The following MRTFA variants were observed in gnomAD, a reference collection of about 807,000 sequenced individuals.
The protein encoded by MRTFA is myocardin-related transcription factor A.
In MRTFA, 20 loss-of-function variants were observed where a neutral mutation model predicts 83.5. That is an observed-to-expected ratio of 0.24 (90% CI 0.17 to 0.35). The LOEUF (loss-of-function observed/expected upper bound fraction) is 0.35, where lower values mean the gene tolerates loss of function less well. MRTFA is among the 10% of genes least tolerant of loss of function. The pLI is 1.00. For synonymous variants in MRTFA, 659 were observed against 541.2 expected (o/e 1.22, Z -3.02); for missense variants, 1,200 against 1,224.7 (o/e 0.98, Z 0.30).
At chr22:40,606,997 AAC>A (rs955245270) in intron 1 of MRTFA, among the ~76,000 whole-genome samples, 2 of 152,230 alleles carry the variant, frequency 1.3e-5, no homozygotes, top group African/African-American at 4.8e-5. Context: ...CTATTTTGTT[AAC>A]AAATAAAATC....
At chr22:40,445,700 C>T (rs2053363810) in intron 4 of MRTFA, among the ~76,000 whole-genome samples, 1 of 152,148 alleles carries the variant, frequency 6.6e-6, no homozygotes, top group Non-Finnish European at 1.5e-5. Context: ...AGGTACCCAC[C>T]ACCATGCCCG....
Position 40,604,128 on chromosome 22 carries a change from C to CT in MRTFA, c.-83-9394dup, listed in dbSNP as rs959099655. On this transcript the variant is annotated intron_variant, in intron 1 of 14. Transcript: ENST00000355630. ...CTACCTGAGTAAAAGCTGTTAGTTTCTTTTTTTTTTTTTTCTTTTTGAGAC... is the reference window on the plus strand; with the variant it reads ...CTACCTGAGTAAAAGCTGTTAGTTTCTTTTTTTTTTTTTTTCTTTTTGAGAC... 8.8e-3 allele frequency among the ~76,000 whole-genome samples: 1,236 copies of CT among 140,794 alleles called. 6 individuals carry two copies. Among genetic ancestry groups the CT allele is most frequent in the Middle Eastern group, 0.015 (4 of 272 alleles). The allele number at this position is 140,794 out of a possible 152,430, so 92.4% of individuals were successfully genotyped here. A position where few individuals can be genotyped will look rare whatever the true frequency, so the allele number is the denominator to read the frequency against.
intron 3 of MRTFA, among the ~76,000 whole-genome samples, chr22:40,500,007 GCA>G (rs2054431266): frequency 7.9e-6 from 1 of 125,876 alleles, no homozygotes; most frequent in East Asian, 2.9e-4. Flanking sequence ...CCGGCTCACC[GCA>G]ACGTCCGCCT....
At chr22:40,584,371 C>G (rs1220597839) in intron 2 of MRTFA, among the ~76,000 whole-genome samples, 1 of 152,164 alleles carries the variant, frequency 6.6e-6, no homozygotes, top group Non-Finnish European at 1.5e-5. Context: ...GTGCCTTTTC[C>G]AAAAGCCAAT....
At chr22:40,461,798 TA>T (rs199890242) in intron 4 of MRTFA, among the ~76,000 whole-genome samples, 8 of 148,296 alleles carry the variant, frequency 5.4e-5, no homozygotes, top group South Asian at 4.3e-4. Flanking sequence ...GACTCCGTCT[TA>T]AAAAAAAAAA....
intron 1 of MRTFA, among the ~76,000 whole-genome samples, chr22:40,603,941 GCCCATGGTGGTGGTTCATT>G (rs1238279000): frequency 1.4e-4 from 22 of 151,804 alleles, no homozygotes; most frequent in Admixed American, 1.0e-3. Context: ...TGGGTGACAG[GCCCATGGTGGTGGTTCATT>G]GCATTATTCT....
chr22:40,548,455 A>T (rs2055400179), intron 3 of MRTFA, among the ~76,000 whole-genome samples: 1 of 151,768 alleles, frequency 6.6e-6, no homozygotes, highest in South Asian at 2.1e-4. Context: ...GAAGAGTGAG[A>T]GAGAGAAAGC....
At chr22:40,604,740 C>T (rs1460955424) in intron 1 of MRTFA, among the ~76,000 whole-genome samples, 1 of 151,168 alleles carries the variant, frequency 6.6e-6, no homozygotes, top group Non-Finnish European at 1.5e-5. Context: ...AGCAAGACTC[C>T]ATCTCAAAAA....
At chr22:40,541,429 C>T (rs535791749) in intron 3 of MRTFA, among the ~76,000 whole-genome samples, 1 of 152,274 alleles carries the variant, frequency 6.6e-6, no homozygotes, top group Admixed American at 6.5e-5. Flanking sequence ...GTCATGGGCT[C>T]CAACCACTTA....
intron 3 of MRTFA, among the ~76,000 whole-genome samples, chr22:40,516,921 C>CT (rs922275781): frequency 5.7e-4 from 85 of 148,812 alleles, no homozygotes; most frequent in African/African-American, 1.0e-3. Context: ...TAATTTTTTT[C>CT]TTTTTTTTTT....
At chr22:40,533,708 T>G in intron 3 of MRTFA, 7 of 950,294 alleles carry the variant, frequency 7.4e-6, no homozygotes, top group Non-Finnish European at 9.6e-6. Context: ...AAAGCTGTCT[T>G]GAAAGCTTTC....
chr22:40,512,001 C>G (rs2054675575), intron 3 of MRTFA, among the ~76,000 whole-genome samples: 1 of 152,088 alleles, frequency 6.6e-6, no homozygotes, highest in Non-Finnish European at 1.5e-5. Flanking sequence ...CTGAGTAGTA[C>G]AGAACGAGGA....
chr22:40,429,347 G>A, intron 7 of MRTFA: 1 of 621,694 alleles, frequency 1.6e-6, no homozygotes, highest in Non-Finnish European at 2.9e-6. Context: ...AGTTTACAAA[G>A]ATGGAAAGTG....
chr22:40,486,548 C>T (rs1445437157), intron 3 of MRTFA, among the ~76,000 whole-genome samples: 1 of 152,090 alleles, frequency 6.6e-6, no homozygotes, highest in Admixed American at 6.5e-5. Flanking sequence ...TTTCTAACCA[C>T]AAATCTGGCA....
rs183453126 is a variant in MRTFA, at chr22:40,497,162, G to T, written c.242-33876C>A. ...CTCAGCATGGTAAGTGCTCTGATGA[G>T]GACAAAGAAGAGGGGACCTTGCTGG... is the stretch of plus-strand genomic sequence containing the variant. On this transcript the variant is annotated intron_variant, in intron 3 of 14. Transcript: ENST00000355630. Among the ~76,000 whole-genome samples, 293 of 152,274 alleles carry T rather than the reference G, an allele frequency of 1.9e-3. 2 individuals carry two copies. Among genetic ancestry groups the T allele is most frequent in the South Asian group, 9.6e-3 (46 of 4,812 alleles).
At position 40,567,847 on chromosome 22, in the gene MRTFA, C is replaced by G. The variant is rs2055728631; in HGVS notation, c.-21-15480G>C. ...GGCATTTGAAGAACAGCCCTATTTT[C>G]CAGTGCCAGAAGCCTCATATCCTTA... On this transcript the variant is annotated intron_variant, in intron 2 of 14. Coordinates refer to ENST00000355630, the MANE Select transcript of MRTFA (RefSeq NM_020831.6). Among the ~76,000 whole-genome samples, 3 of 152,276 alleles carry G rather than the reference C, an allele frequency of 2.0e-5. No homozygotes were observed. The South Asian group carries it at 6.2e-4, about 32-fold the overall frequency.
intron 8 of MRTFA, 41 bp downstream of exon 8, chr22:40,424,165 G>C: frequency 6.4e-7 from 1 of 1,557,700 alleles, no homozygotes; most frequent in Non-Finnish European, 8.6e-7. Context: ...CGCAGCCCTA[G>C]CACCTTGGAG....
chr22:40,528,335 A>G (rs2055014978), intron 3 of MRTFA, among the ~76,000 whole-genome samples: 1 of 152,202 alleles, frequency 6.6e-6, no homozygotes, highest in Non-Finnish European at 1.5e-5. Flanking sequence ...AATCTCATTT[A>G]TTAGAGGCCT....
At chr22:40,471,131 C>T (rs1219566146) in intron 3 of MRTFA, among the ~76,000 whole-genome samples, 3 of 150,300 alleles carry the variant, frequency 2.0e-5, no homozygotes, top group African/African-American at 7.4e-5. Context: ...CCTGTGATCC[C>T]AGCACTTTGG....
Sources: allele counts gnomAD v4.1 joint callset (sites outside exome capture counted in the v4.1 genomes callset), GRCh38; gene constraint gnomAD v4.1.1; transcripts MANE v1.5; gene names NCBI Gene and HGNC (gene_info 2026-07-23, HGNC 2026-07-21).